Variants in STX8 observed in about 807,000 individuals in gnomAD.
The protein encoded by STX8 is syntaxin 8.
A neutral mutation model predicts 37.5 loss-of-function variants in STX8; 23 were observed. The ratio of observed to expected loss-of-function variants is 0.61; its 90% CI spans 0.44 to 0.87. The LOEUF (loss-of-function observed/expected upper bound fraction) is 0.87. Among genes scored for constraint, STX8 ranks in the 40% least tolerant of loss-of-function variants. The probability of loss-of-function intolerance (pLI) is 0.00; values close to 1 mark genes in which losing one functional copy is unlikely to be tolerated. For missense variants in STX8, 313 were observed against 284.7 expected (o/e 1.10, Z -0.71); for synonymous variants, 115 against 99.1 (o/e 1.16, Z -0.95).
At chr17:9,305,563 G>A (rs191405634) in intron 7 of STX8, 4 of 152,134 alleles carry the variant, frequency 2.6e-5, no homozygotes, top group East Asian at 3.9e-4. Flanking sequence ...TTCAACCCAC[G>A]ATGGATTTAT....
Position 9,448,337 on chromosome 17 carries a change from C to T in STX8, c.541+43492G>A, listed in dbSNP as rs559323534. Reference sequence around the variant, plus strand: ...GGCAAAAAGTCTGAGTCGCCCAACCCGCACACTCCTAACTGAGGCTGAGCA... The same window carrying T: ...GGCAAAAAGTCTGAGTCGCCCAACCTGCACACTCCTAACTGAGGCTGAGCA... On this transcript the variant is annotated intron_variant, in intron 6 of 7. Coordinates refer to ENST00000306357, the MANE Select transcript of STX8 (RefSeq NM_004853.3). Among the ~76,000 whole-genome samples, 158 of 152,260 alleles carry T rather than the reference C, an allele frequency of 1.0e-3. 1 individual carries two copies. Among genetic ancestry groups the T allele is most frequent in the Middle Eastern group, 3.4e-3 (1 of 294 alleles).
chr17:9,375,353 G>C (rs1911546796), intron 7 of STX8, among the ~76,000 whole-genome samples: 1 of 151,848 alleles, frequency 6.6e-6, no homozygotes, highest in African/African-American at 2.4e-5. Context: ...GACACTTCTG[G>C]GTAAAAATAC....
chr17:9,449,331 C>T (rs569455841), intron 6 of STX8, among the ~76,000 whole-genome samples: 7 of 152,182 alleles, frequency 4.6e-5, no homozygotes, highest in African/African-American at 1.2e-4. Flanking sequence ...GAGGCCAAGG[C>T]GAGCGGATCA....
intron 6 of STX8, among the ~76,000 whole-genome samples, chr17:9,486,873 G>A (rs1944923816): frequency 6.6e-6 from 1 of 152,060 alleles, no homozygotes; most frequent in African/African-American, 2.4e-5. Flanking sequence ...TCTGGGTTCT[G>A]GAGAAGTGCT....
chr17:9,534,142 C>A (rs941730510), intron 4 of STX8, among the ~76,000 whole-genome samples: 1 of 151,514 alleles, frequency 6.6e-6, no homozygotes, highest in Non-Finnish European at 1.5e-5. Flanking sequence ...AAGAAAATGG[C>A]TTTAATATTA....
At chr17:9,560,495 GGA>G (rs1391896983) in intron 2 of STX8, among the ~76,000 whole-genome samples, 1 of 151,302 alleles carries the variant, frequency 6.6e-6, no homozygotes, top group Non-Finnish European at 1.5e-5. Context: ...TAATACCTAG[GGA>G]GAGTTTTTTA....
intron 7 of STX8, among the ~76,000 whole-genome samples, chr17:9,304,579 G>A (rs1355432156): frequency 6.6e-6 from 1 of 151,374 alleles, no homozygotes; most frequent in African/African-American, 2.4e-5. Flanking sequence ...AAGCTCTTAG[G>A]TTTAATCATA....
At chr17:9,300,773 G>A (rs2531854) in intron 7 of STX8, among the ~76,000 whole-genome samples, 56,828 of 149,820 alleles carry the variant, frequency 0.38, 11,255 homozygotes, top group Middle Eastern at 0.5. Flanking sequence ...TGCAGAGGTT[G>A]TGCCTTCCAA....
chr17:9,545,222 T>A lies in STX8; in HGVS notation c.273A>T (p.Arg91Ser), dbSNP rs1906454711. 2 of 1,613,952 alleles carry A rather than the reference T, an allele frequency of 1.2e-6. No homozygotes were observed. The highest frequency in any genetic ancestry group is 1.7e-6 in the Non-Finnish European group (2 of 1,180,006). ...NLLDDLVTRE[R>S]LLLASFKNEG... ...CATTCTTAAAGGATGCCAGAAGTAG[T>A]CTCTCTCGAGTTACAAGATCATCCA... Residue 91 changes from arginine (R) to serine (S), a missense_variant, in exon 4 of 8, where the codon AGA becomes AGT. Coordinates refer to ENST00000306357, the MANE Select transcript of STX8 (RefSeq NM_004853.3).
chr17:9,558,034 A>T (rs571483889), intron 2 of STX8, among the ~76,000 whole-genome samples: 2 of 152,182 alleles, frequency 1.3e-5, no homozygotes, highest in African/African-American at 2.4e-5. Flanking sequence ...TTTTACGGCA[A>T]TGTGTTCTTT....
intron 5 of STX8, 99 bp downstream of exon 5, chr17:9,504,939 A>G: frequency 1.6e-6 from 2 of 1,276,694 alleles, no homozygotes; most frequent in South Asian, 3.1e-5. Flanking sequence ...ACGCCACTGC[A>G]CTCCAGCCTA....
At chr17:9,396,580 A>C (rs1024560380) in intron 6 of STX8, among the ~76,000 whole-genome samples, 2 of 151,794 alleles carry the variant, frequency 1.3e-5, no homozygotes, top group African/African-American at 2.4e-5. Flanking sequence ...CATGGTGGCG[A>C]GTGCCTGTAA....
At chr17:9,528,765 C>T (rs1905681788) in intron 4 of STX8, among the ~76,000 whole-genome samples, 1 of 151,344 alleles carries the variant, frequency 6.6e-6, no homozygotes, top group Non-Finnish European at 1.5e-5. Context: ...TAAGTAGAAA[C>T]TATTAGAAAG....
At chr17:9,412,213 C>T (rs984264798) in intron 6 of STX8, among the ~76,000 whole-genome samples, 3 of 151,942 alleles carry the variant, frequency 2.0e-5, no homozygotes, top group African/African-American at 7.3e-5. Context: ...ATTTTTGCAA[C>T]TTTTCTATAA....
chr17:9,524,068 C>T (rs1208884797), intron 4 of STX8, among the ~76,000 whole-genome samples: 1 of 152,160 alleles, frequency 6.6e-6, no homozygotes, highest in African/African-American at 2.4e-5. Flanking sequence ...GCATCTTTTC[C>T]CTCTGGAATG....
chr17:9,354,505 A>G (rs1256607647), intron 7 of STX8, among the ~76,000 whole-genome samples: 1 of 151,902 alleles, frequency 6.6e-6, no homozygotes, highest in East Asian at 1.9e-4. Flanking sequence ...TATTTTTAGT[A>G]GAGACGGGGT....
chr17:9,424,631 T>C (rs1913559849), intron 6 of STX8, among the ~76,000 whole-genome samples: 2 of 152,164 alleles, frequency 1.3e-5, no homozygotes, highest in Admixed American at 1.3e-4. Flanking sequence ...GGTCATGCCC[T>C]GGCCCATTCT....
chr17:9,488,344 T>C (rs572031613), intron 6 of STX8, among the ~76,000 whole-genome samples: 2 of 151,730 alleles, frequency 1.3e-5, no homozygotes, highest in South Asian at 4.2e-4. Flanking sequence ...AAAAAATTAC[T>C]GTGGTAGACA....
At position 9,409,578 on chromosome 17, in the gene STX8, A is replaced by G. The variant is rs369545022; in HGVS notation, c.542-30925T>C. 2.0e-5 allele frequency among the ~76,000 whole-genome samples: 3 copies of G among 152,356 alleles called. No individual in the cohort carries two copies. In the South Asian group the frequency reaches 6.2e-4, roughly 32 times the overall value. ...GGAGAGTTTAAAACTGCCTGTTTCCAAAAGCCATTACAAATTGGCATATAC... is the reference window on the plus strand; with the variant it reads ...GGAGAGTTTAAAACTGCCTGTTTCCGAAAGCCATTACAAATTGGCATATAC... On this transcript the variant is annotated intron_variant, in intron 6 of 7. Coordinates refer to ENST00000306357, the MANE Select transcript of STX8 (RefSeq NM_004853.3).
Sources: gnomAD v4.1 joint callset for allele counts (sites outside exome capture counted in the v4.1 genomes callset) on GRCh38, gnomAD v4.1.1 for gene constraint, MANE v1.5 for transcripts, NCBI Gene and HGNC (gene_info 2026-07-23, HGNC 2026-07-21) for gene names.